ARRB1: variants seen among roughly 807,000 people sequenced by gnomAD.
ARRB1 encodes the protein arrestin beta 1, also known as beta-arrestin-1.
Under a neutral mutation model 56.8 loss-of-function variants are expected in ARRB1, and 21 were observed. That is an observed-to-expected ratio of 0.37 (90% CI 0.26 to 0.53). The LOEUF is 0.53. Among genes scored for constraint, ARRB1 ranks in the 20% least tolerant of loss-of-function variants. The pLI, the probability that ARRB1 is intolerant of heterozygous loss-of-function variation, is 0.88. For synonymous variants in ARRB1, 210 were observed against 218.6 expected (o/e 0.96, Z 0.35); for missense variants, 424 against 553.7 (o/e 0.77, Z 2.35).
intron 15 of ARRB1, among the ~76,000 whole-genome samples, chr11:75,266,691 G>A (rs1007154060): frequency 2.6e-5 from 4 of 152,120 alleles, no homozygotes; most frequent in African/African-American, 4.8e-5. Context: ...GAATAGGCCC[G>A]GCAAACCCCA....
chr11:75,312,053 GC>G (rs1452855345), intron 1 of ARRB1: 1 of 1,289,414 alleles, frequency 7.8e-7, no homozygotes, highest in Admixed American at 2.3e-5. Flanking sequence ...TCCTCTAAGT[GC>G]TGATCACCTC....
At chr11:75,297,780 G>A (rs576979164) in intron 1 of ARRB1, among the ~76,000 whole-genome samples, 8 of 133,820 alleles carry the variant, frequency 6.0e-5, no homozygotes, top group East Asian at 2.4e-4. Flanking sequence ...CAGGAGAATC[G>A]CTTGAACCCA....
chr11:75,336,749 T>C (rs972413507), intron 1 of ARRB1, among the ~76,000 whole-genome samples: 61 of 152,106 alleles, frequency 4.0e-4, no homozygotes, highest in Middle Eastern at 3.4e-3. Flanking sequence ...AGTCGGAGAG[T>C]GGCTGCCACT....
Position 75,277,438 on chromosome 11 carries a change from T to G in ARRB1, c.629A>C (p.His210Pro), listed in dbSNP as rs1041304729. 6.2e-7 allele frequency: 1 copy of G among 1,614,120 alleles called. No individual in the cohort carries two copies. The highest frequency in any genetic ancestry group is 8.5e-7 in the Non-Finnish European group (1 of 1,179,982). Residue 210 changes from histidine (H) to proline (P), a missense_variant, in exon 9 of 16, where the codon CAT becomes CCT. Around this residue, in one of 3 missense-constraint regions of ARRB1, gnomAD observed 301 missense variants for 387.9 expected, o/e 0.78. Transcript: ENST00000420843. ...EASLDKEIYY[H>P]GEPISVNVHV... ...GACGTTGACGCTGATGGGTTCTCCA[T>G]GGTAATAGATCTGGGGGGCATAAGA...
At chr11:75,277,951 C>T (rs1346170248) in intron 8 of ARRB1, among the ~76,000 whole-genome samples, 1 of 152,232 alleles carries the variant, frequency 6.6e-6, no homozygotes, top group Non-Finnish European at 1.5e-5. Flanking sequence ...TAGGTGATGT[C>T]TGAAGTCCCT....
At chr11:75,319,778 G>A (rs757854218) in intron 1 of ARRB1, among the ~76,000 whole-genome samples, 4 of 152,292 alleles carry the variant, frequency 2.6e-5, no homozygotes, top group East Asian at 1.9e-4. Context: ...GAAAGGGACC[G>A]TAAGGGTCCC....
chr11:75,315,523 G>A (rs989459502), intron 1 of ARRB1, among the ~76,000 whole-genome samples: 12 of 152,154 alleles, frequency 7.9e-5, no homozygotes, highest in East Asian at 3.9e-4. Flanking sequence ...GGCTAAGCAC[G>A]GGGTCCCAGG....
At chr11:75,291,980 G>A (rs535666932) in intron 1 of ARRB1, among the ~76,000 whole-genome samples, 9 of 152,248 alleles carry the variant, frequency 5.9e-5, no homozygotes, top group Admixed American at 3.3e-4. Flanking sequence ...GTGGCTCTGC[G>A]CTGCATTGAT....
chr11:75,321,371 A>T (rs60527753), intron 1 of ARRB1, among the ~76,000 whole-genome samples: 1,749 of 150,522 alleles, frequency 0.012, 39 homozygotes, highest in African/African-American at 0.04. Context: ...CCAGGCTTGG[A>T]GCCCAAGGGG....
intron 1 of ARRB1, among the ~76,000 whole-genome samples, chr11:75,324,941 G>A (rs1222211332): frequency 6.6e-6 from 1 of 152,110 alleles, no homozygotes; most frequent in East Asian, 1.9e-4. Flanking sequence ...CCCAGGGCTG[G>A]TGGCTGGCGT....
chr11:75,293,126 G>A (rs780742132), intron 1 of ARRB1, among the ~76,000 whole-genome samples: 2 of 152,122 alleles, frequency 1.3e-5, no homozygotes, highest in Admixed American at 6.6e-5. Flanking sequence ...GGAATGACCT[G>A]CTGCTAACCT....
chr11:75,277,593 G>A, intron 8 of ARRB1, 145 bp from the exon 9 acceptor site: 1 of 708,392 alleles, frequency 1.4e-6, no homozygotes, highest in Admixed American at 2.4e-5. Context: ...CCCATCTGAA[G>A]TCCATCACAT....
chr11:75,301,477 A>G (rs373237546), intron 1 of ARRB1, among the ~76,000 whole-genome samples: 3 of 152,230 alleles, frequency 2.0e-5, no homozygotes, highest in East Asian at 3.9e-4. Flanking sequence ...CCAGAAGGCA[A>G]TAGGGAGCCA....
intron 12 of ARRB1, 75 bp downstream of exon 12, chr11:75,272,820 T>G: frequency 6.9e-7 from 1 of 1,449,842 alleles, no homozygotes; most frequent in Non-Finnish European, 9.7e-7. Context: ...ACAGGCAGAA[T>G]GGGGCAGGGG....
At chr11:75,308,933 A>G (rs988703711) in intron 1 of ARRB1, among the ~76,000 whole-genome samples, 71 of 152,206 alleles carry the variant, frequency 4.7e-4, no homozygotes, top group African/African-American at 1.7e-3. Context: ...TTAATTTGTC[A>G]TGTGCTAGGT....
intron 1 of ARRB1, among the ~76,000 whole-genome samples, chr11:75,336,157 GGAA>G (rs1947599878): frequency 6.6e-6 from 1 of 152,166 alleles, no homozygotes. Flanking sequence ...AGTAGGTTGA[GGAA>G]GAAGAGGCCT....
chr11:75,335,191 C>T (rs560509909), intron 1 of ARRB1: 18 of 225,598 alleles, frequency 8.0e-5, no homozygotes, highest in Middle Eastern at 9.8e-4. Flanking sequence ...GATGAGGCTC[C>T]GGAAGACATT....
intron 1 of ARRB1, chr11:75,303,656 G>A (rs548459942): frequency 2.2e-6 from 1 of 456,324 alleles, no homozygotes; most frequent in African/African-American, 2.0e-5. Flanking sequence ...CTACAGGGCA[G>A]CGGAAGGCAG....
chr11:75,321,780 G>A (rs1000542222), intron 1 of ARRB1, among the ~76,000 whole-genome samples: 1 of 152,176 alleles, frequency 6.6e-6, no homozygotes, highest in African/African-American at 2.4e-5. Context: ...ATCTTCTTAT[G>A]AATATTCAAC....
Sources: gnomAD v4.1 joint callset for allele counts (sites outside exome capture counted in the v4.1 genomes callset) on GRCh38, gnomAD v4.1.1 for gene constraint, gnomAD v4.1.1 regional missense constraint, MANE v1.5 for transcripts, NCBI Gene and HGNC (gene_info 2026-07-23, HGNC 2026-07-21) for gene names.